The following TMEM260 variants were observed in gnomAD, a reference collection of about 807,000 sequenced individuals.
The protein encoded by TMEM260 is transmembrane protein 260.
TMEM260 carries 82 observed loss-of-function variants against 88.9 expected under a neutral mutation model. The ratio of observed to expected loss-of-function variants is 0.92; its 90% confidence interval spans 0.77 to 1.11. The LOEUF (loss-of-function observed/expected upper bound fraction) is 1.11, where lower values mean the gene tolerates loss of function less well. Ranked by LOEUF, TMEM260 falls within the 50% of genes least tolerant of loss-of-function variation. TMEM260 has a pLI of 0.00. For missense variants in TMEM260, 902 were observed against 853.4 expected, an observed-to-expected ratio of 1.06 and a Z score of -0.71; for synonymous variants, 314 against 309.3, an observed-to-expected ratio of 1.02 and a Z score of -0.16.
At chr14:56,608,059 A>G (rs1003838127) in intron 5 of TMEM260, among the ~76,000 whole-genome samples, 3 of 152,186 alleles carry the variant, frequency 2.0e-5, no homozygotes, top group Non-Finnish European at 4.4e-5. Context: ...GTTATTTCTT[A>G]TGCTCCTTTC....
chr14:56,636,559 T>C lies in TMEM260; in HGVS notation c.1830T>C (p.Pro610=), dbSNP rs191034398. Residue 610 remains proline, a synonymous_variant, in exon 15 of 16, where the codon CCT becomes CCC. Coordinates refer to ENST00000261556, the MANE Select transcript of TMEM260 (RefSeq NM_017799.4). ...ACCTGGCAGAAACTGCTCACATGCC[T>C]TCAAAAGTGAAAGCTCAACTCTACG... ...IFNLAETAHM[P]SKVKAQLYAQ... The C allele has an allele frequency of 4.3e-6, 7 of 1,614,064 alleles. No individual in the cohort carries two copies. The highest frequency in any genetic ancestry group is 5.9e-6 in the Non-Finnish European group (7 of 1,179,988).
chr14:56,632,883 T>C (rs1888722616), intron 12 of TMEM260, 112 bp from the exon 13 acceptor site: 1 of 988,774 alleles, frequency 1.0e-6, no homozygotes, highest in East Asian at 2.6e-5. Context: ...CAAAATCATA[T>C]AGGTAATAAC....
At chr14:56,596,236 T>C (rs1339312209) in intron 3 of TMEM260, among the ~76,000 whole-genome samples, 3 of 151,908 alleles carry the variant, frequency 2.0e-5, no homozygotes, top group Non-Finnish European at 4.4e-5. Flanking sequence ...TGGACCTACA[T>C]TGAGGTCATT....
In TMEM260 at chr14:56,618,657, G is replaced by A. The variant is rs1172563076; in HGVS notation, c.1120G>A (p.Ala374Thr). ...CGTCCTCGCTGGCATTGGTTTGGCTGCAGTTGTGTCTGAGACTAACCGAGT... is the reference window on the plus strand; with the variant it reads ...CGTCCTCGCTGGCATTGGTTTGGCTACAGTTGTGTCTGAGACTAACCGAGT... ...VAVLAGIGLA[A>T]VVSETNRVLN... The change falls in exon 10 of 16, where the codon GCA (alanine) becomes ACA (threonine). Residue 374 changes from alanine (A) to threonine (T), a missense_variant. Transcript: ENST00000261556. 1.3e-5 allele frequency: 21 copies of A among 1,614,116 alleles called. No individual in the cohort carries two copies. The highest frequency in any genetic ancestry group is 1.7e-5 in the Non-Finnish European group (20 of 1,180,046).
chr14:56,610,817 T>C (rs1887212425), intron 6 of TMEM260, among the ~76,000 whole-genome samples: 1 of 152,154 alleles, frequency 6.6e-6, no homozygotes, highest in African/African-American at 2.4e-5. Context: ...CAAGTTATAA[T>C]GAATTTTAAT....
chr14:56,614,205 G>C (rs1170729226), intron 7 of TMEM260, among the ~76,000 whole-genome samples: 1 of 141,812 alleles, frequency 7.1e-6, no homozygotes. Flanking sequence ...TAACACAACC[G>C]GCCTACAAAA....
At chr14:56,645,405 GCAC>G (rs1257658862) in intron 15 of TMEM260, among the ~76,000 whole-genome samples, 23 of 150,628 alleles carry the variant, frequency 1.5e-4, no homozygotes, top group Admixed American at 1.4e-3. Flanking sequence ...AAAAAACCAA[GCAC>G]CACATGTTCT....
chr14:56,623,280 G>A (rs1394526121), intron 11 of TMEM260, among the ~76,000 whole-genome samples: 2 of 152,216 alleles, frequency 1.3e-5, no homozygotes, highest in Non-Finnish European at 2.9e-5. Context: ...AGGGACGTCA[G>A]TTTCTGAGGC....
In TMEM260 at chr14:56,625,634, A is replaced by G. The variant is rs567099194; in HGVS notation, c.1547+104A>G. 3.7e-5 allele frequency: 30 copies of G among 805,410 alleles called. 1 individual carries two copies. Among genetic ancestry groups the G allele is most frequent in the Middle Eastern group, 3.4e-4 (1 of 2,928 alleles). 49.9% of individuals were successfully genotyped at this position (805,410 alleles called of 1,614,324 possible). ...TCCAAAAGACCAATTTTCTCTGCCTATTTCCCTGTCACTGGTGAGATTATC... is the reference window on the plus strand; with the variant it reads ...TCCAAAAGACCAATTTTCTCTGCCTGTTTCCCTGTCACTGGTGAGATTATC... On this transcript the variant is annotated intron_variant, in intron 12 of 15. Coordinates refer to ENST00000261556, the MANE Select transcript of TMEM260 (RefSeq NM_017799.4).
At chr14:56,604,191 C>T (rs1174561921) in intron 4 of TMEM260, among the ~76,000 whole-genome samples, 199 bp downstream of exon 4, 1 of 152,030 alleles carries the variant, frequency 6.6e-6, no homozygotes, top group African/African-American at 2.4e-5. Flanking sequence ...TGGCGCTTTT[C>T]TTCCCTCAGA....
the TMEM260 span, among the ~76,000 whole-genome samples, chr14:56,656,541 G>A: frequency 2.0e-5 from 3 of 152,272 alleles, no homozygotes; most frequent in African/African-American, 7.2e-5. Flanking sequence ...TTTATAAAGT[G>A]TATTGAACAG....
In TMEM260 at chr14:56,585,886, A is replaced by C. The variant is rs1239908022; in HGVS notation, c.318A>C (p.Ala106=). The C allele has an allele frequency of 1.2e-6, 2 of 1,612,526 alleles. No homozygotes were observed. The highest frequency in any genetic ancestry group is 1.7e-5 in the Admixed American group (1 of 59,760). Residue 106 remains alanine (A), a synonymous_variant, in exon 3 of 16, where the codon GCA becomes GCC. Coordinates refer to ENST00000261556, the MANE Select transcript of TMEM260 (RefSeq NM_017799.4). The part of the protein sequence containing the change: ...LLCGLFGAVA[A]SLLFFTVFRL... ...GTGGCTTATTTGGAGCAGTAGCTGC[A>C]TCATTACTTTTTTTCACCGTTTTCA...
intron 1 of TMEM260, among the ~76,000 whole-genome samples, chr14:56,583,989 T>TG (rs1885310676): frequency 9.9e-6 from 1 of 101,286 alleles, no homozygotes; most frequent in African/African-American, 4.0e-5. Context: ...AATCCAGCCT[T>TG]TTGTGTGTGT....
In TMEM260 at chr14:56,627,704, G is replaced by A. The variant is rs116522873; in HGVS notation, c.1547+2174G>A. On this transcript the variant is annotated intron_variant, in intron 12 of 15. Coordinates refer to ENST00000261556, the MANE Select transcript of TMEM260 (RefSeq NM_017799.4). ...ATCATCATATGAAAGTTATCTAAATGCATACCTCTGAAAGGAAGCTAGCTA... is the reference window on the plus strand; with the variant it reads ...ATCATCATATGAAAGTTATCTAAATACATACCTCTGAAAGGAAGCTAGCTA... Among the ~76,000 whole-genome samples the A allele has an allele frequency of 6.1e-3, 928 of 152,282 alleles. 13 individuals carry two copies. Among genetic ancestry groups the A allele is most frequent in the African/African-American group, 0.022 (905 of 41,558 alleles).
intron 10 of TMEM260, among the ~76,000 whole-genome samples, chr14:56,619,067 A>C (rs1887756128): frequency 6.6e-6 from 1 of 152,190 alleles, no homozygotes; most frequent in South Asian, 2.1e-4. Flanking sequence ...AAATTCCATG[A>C]CCTAAAATAC....
At chr14:56,596,794 A>AAATATATATAT (rs59623466) in intron 3 of TMEM260, among the ~76,000 whole-genome samples, 7 of 136,298 alleles carry the variant, frequency 5.1e-5, no homozygotes, top group African/African-American at 2.0e-4. Context: ...TAAAAAAAAA[A>AAATATATATAT]ATATATATAT....
At chr14:56,645,481 G>T (rs8013548) in intron 15 of TMEM260, among the ~76,000 whole-genome samples, 127,569 of 147,628 alleles carry the variant, frequency 0.86, 55,238 homozygotes, top group East Asian at 1. Context: ...CATCACACTC[G>T]GGGGACTGTT....
At chr14:56,619,279 C>T (rs928725344) in intron 10 of TMEM260, 1 of 154,536 alleles carries the variant, frequency 6.5e-6, no homozygotes, top group East Asian at 1.9e-4. Flanking sequence ...TCAAGCAGTC[C>T]TCTGCCTCAG....
In TMEM260 at chr14:56,600,378, G is replaced by A. The variant is rs556716646; in HGVS notation, c.345-3437G>A. Among the ~76,000 whole-genome samples, 3 of 152,272 alleles carry A rather than the reference G, an allele frequency of 2.0e-5. No individual in the cohort carries two copies. In the South Asian group the frequency reaches 6.2e-4, roughly 32 times the overall value. On this transcript the variant is annotated intron_variant, in intron 3 of 15. Transcript: ENST00000261556. ...AAGTATAATAAAGAGGGAAGACAGT[G>A]TGTTTCAGTCAGGGTTCTTGGTTGC...
Sources: gnomAD v4.1 joint callset for allele counts (sites outside exome capture counted in the v4.1 genomes callset) on GRCh38, gnomAD v4.1.1 for gene constraint, MANE v1.5 for transcripts, NCBI Gene and HGNC (gene_info 2026-07-23, HGNC 2026-07-21) for gene names.